PDE4D: variants seen among roughly 807,000 people sequenced by gnomAD.
PDE4D encodes the protein 3',5'-cyclic-AMP phosphodiesterase 4D.
Under a neutral mutation model 87.4 loss-of-function variants are expected in PDE4D, and 24 were observed. That is an observed-to-expected ratio of 0.27 (90% confidence interval 0.20 to 0.39). PDE4D has a LOEUF of 0.39. PDE4D is among the 10% of genes least tolerant of loss of function. The probability of loss-of-function intolerance (pLI) is 1.00; values close to 1 mark genes in which losing one functional copy is unlikely to be tolerated. For synonymous variants in PDE4D, 384 were observed against 383.2 expected (o/e 1.00, Z -0.02); for missense variants, 714 against 1,041.0 (o/e 0.69, Z 4.32).
chr5:59,964,589 C>G (rs1213036667), intron 3 of PDE4D, among the ~76,000 whole-genome samples: 2 of 152,118 alleles, frequency 1.3e-5, no homozygotes, highest in Non-Finnish European at 2.9e-5. Flanking sequence ...TGAGGTAAGT[C>G]TATCTACTCT....
chr5:60,165,727 A>G (rs1273185368), intron 2 of PDE4D, among the ~76,000 whole-genome samples: 1 of 149,456 alleles, frequency 6.7e-6, no homozygotes, highest in African/African-American at 2.4e-5. Context: ...ATTATAGATA[A>G]TTATATATAA....
chr5:59,311,946 A>C (rs1772751773), intron 1 of PDE4D, among the ~76,000 whole-genome samples: 1 of 151,988 alleles, frequency 6.6e-6, no homozygotes, highest in African/African-American at 2.4e-5. Flanking sequence ...ATTCCTCTCC[A>C]ACATTTCTTC....
At chr5:60,293,475 C>A (rs1346085620) in intron 1 of PDE4D, among the ~76,000 whole-genome samples, 2 of 152,140 alleles carry the variant, frequency 1.3e-5, no homozygotes, top group Non-Finnish European at 2.9e-5. Context: ...GACGGCGCCA[C>A]TGCACTCCAG....
chr5:59,287,026 AGCACCTTCAT>A (rs1037087368), intron 1 of PDE4D, among the ~76,000 whole-genome samples: 15 of 152,298 alleles, frequency 9.8e-5, no homozygotes, highest in African/African-American at 3.4e-4. Flanking sequence ...CACACAAAAA[AGCACCTTCAT>A]GCACCTTCAT....
chr5:59,817,270 G>C (rs1369741465), intron 1 of PDE4D, among the ~76,000 whole-genome samples: 1 of 152,186 alleles, frequency 6.6e-6, no homozygotes, highest in African/African-American at 2.4e-5. Context: ...AACATGTAGG[G>C]GAGAAGAGGG....
In PDE4D at chr5:60,073,491, TG is replaced by T. The variant is rs1342537581; in HGVS notation, c.43-84775del. Among the ~76,000 whole-genome samples, 9 of 126,532 alleles carry T rather than the reference TG, an allele frequency of 7.1e-5. No homozygotes were observed. In the South Asian group the frequency reaches 2.4e-3, roughly 33 times the overall value. The allele number at this position is 126,532 out of a possible 152,430, so 83.0% of individuals were successfully genotyped here. A position where few individuals can be genotyped will look rare whatever the true frequency, so the allele number is the denominator to read the frequency against. On this transcript the variant is annotated intron_variant, in intron 2 of 16. Coordinates refer to the PDE4D transcript ENST00000502484. Reference sequence around the variant, plus strand: ...TTTTATTTTCTGTGTGTTTGCCAGGTGTTTTTTTTTTTTTTTAAATCAGGAT... The same window carrying T: ...TTTTATTTTCTGTGTGTTTGCCAGGTTTTTTTTTTTTTTTTAAATCAGGAT...
chr5:59,056,793 G>A (rs926757624), intron 5 of PDE4D, among the ~76,000 whole-genome samples: 16 of 152,044 alleles, frequency 1.1e-4, no homozygotes, highest in African/African-American at 3.9e-4. Flanking sequence ...TCTTTTTTAT[G>A]GCTGCATAGT....
At chr5:59,628,089 A>G (rs79702305) in intron 1 of PDE4D, among the ~76,000 whole-genome samples, 1,749 of 152,364 alleles carry the variant, frequency 0.011, 30 homozygotes, top group South Asian at 0.05. Context: ...TTGCTGCCAC[A>G]GAATTCACTA....
chr5:59,665,295 G>A (rs970058787), intron 1 of PDE4D, among the ~76,000 whole-genome samples: 1 of 152,196 alleles, frequency 6.6e-6, no homozygotes, highest in Non-Finnish European at 1.5e-5. Flanking sequence ...TAGCATAGTT[G>A]CTGGAGTAAG....
At position 59,223,801 on chromosome 5, in the gene PDE4D, CCAAT is replaced by C. The variant is rs138041672; in HGVS notation, c.456-7837_456-7834del. On this transcript the variant is annotated intron_variant, in intron 1 of 14. Coordinates refer to ENST00000340635, the MANE Select transcript of PDE4D (RefSeq NM_001104631.2). ...TGATATGCACAGATGGCAATCTTTC[CCAAT>C]CAATCATAAAACTGCATATTAAATT... 5.5e-3 allele frequency among the ~76,000 whole-genome samples: 843 copies of C among 152,060 alleles called. 16 individuals carry two copies. The highest frequency in any genetic ancestry group is 0.054 in the East Asian group (281 of 5,160).
At chr5:60,222,217 T>C in intron 1 of PDE4D, among the ~76,000 whole-genome samples, 1 of 152,056 alleles carries the variant, frequency 6.6e-6, no homozygotes, top group East Asian at 1.9e-4. Flanking sequence ...CGCAGCAGTA[T>C]ATGGGATCCA....
chr5:59,827,062 G>T (rs536964688), intron 1 of PDE4D, among the ~76,000 whole-genome samples: 1 of 152,056 alleles, frequency 6.6e-6, no homozygotes, highest in East Asian at 1.9e-4. Context: ...CAGATTTAAG[G>T]TAAATTATCT....
chr5:59,331,412 T>C (rs1776707641), intron 1 of PDE4D, among the ~76,000 whole-genome samples: 1 of 152,150 alleles, frequency 6.6e-6, no homozygotes, highest in Admixed American at 6.5e-5. Flanking sequence ...AATCTCCTTT[T>C]CTTATAAAGA....
At chr5:59,403,348 ACTGTTGACTGTAGTCACC>A (rs1791038625) in intron 1 of PDE4D, among the ~76,000 whole-genome samples, 1 of 152,206 alleles carries the variant, frequency 6.6e-6, no homozygotes, top group Non-Finnish European at 1.5e-5. Flanking sequence ...ATGATAAACT[ACTGTTGACTGTAGTCACC>A]CTGTTGAGCT....
intron 1 of PDE4D, among the ~76,000 whole-genome samples, chr5:60,236,596 T>G (rs1746459956): frequency 6.6e-6 from 1 of 151,978 alleles, no homozygotes; most frequent in Non-Finnish European, 1.5e-5. Flanking sequence ...GGGCTGTGGT[T>G]GCAGATGGAA....
At chr5:58,986,887 T>C (rs1746557160) in intron 11 of PDE4D, among the ~76,000 whole-genome samples, 1 of 152,088 alleles carries the variant, frequency 6.6e-6, no homozygotes. Context: ...CTCTTAATTC[T>C]AAGGGAACAT....
chr5:60,043,059 G>C (rs1446332511), intron 2 of PDE4D, among the ~76,000 whole-genome samples: 1 of 151,710 alleles, frequency 6.6e-6, no homozygotes, highest in Non-Finnish European at 1.5e-5. Flanking sequence ...AAAAAGGTGA[G>C]AGGAATTGCT....
At chr5:60,162,368 A>AGCTGAGACTTAG (rs1562169391) in intron 2 of PDE4D, among the ~76,000 whole-genome samples, 5 of 152,246 alleles carry the variant, frequency 3.3e-5, no homozygotes, top group African/African-American at 1.2e-4. Context: ...GGCCTCTTTA[A>AGCTGAGACTTAG]GTCTCCGCAG....
In PDE4D at chr5:60,295,292, C is replaced by T. The variant is rs776005375; in HGVS notation, c.-89-109605G>A. Among the ~76,000 whole-genome samples, 93 of 152,116 alleles carry T rather than the reference C, an allele frequency of 6.1e-4. 1 individual carries two copies. The highest frequency in any genetic ancestry group is 1.6e-3 in the Admixed American group (24 of 15,274). On this transcript the variant is annotated intron_variant, in intron 1 of 16. Transcript: ENST00000502484. The stretch of plus-strand genomic sequence containing the variant: ...TATTTAAGTATCTGTTTATGTCATA[C>T]GTGAATAAAAGCTGCTTTACTTCTT...
Sources: gnomAD v4.1 joint callset for allele counts (sites outside exome capture counted in the v4.1 genomes callset) on GRCh38, gnomAD v4.1.1 for gene constraint, MANE v1.5 for transcripts, NCBI Gene and HGNC (gene_info 2026-07-23, HGNC 2026-07-21) for gene names.